The following RAD51AP2 variants were observed in gnomAD, a reference collection of about 807,000 sequenced individuals.
RAD51AP2 encodes RAD51-associated protein 2.
In RAD51AP2, 67 loss-of-function variants were observed where a neutral mutation model predicts 85.5. That is an observed-to-expected ratio of 0.78 (90% CI 0.64 to 0.96). The LOEUF is 0.96. RAD51AP2 is among the 40% of genes least tolerant of loss of function. The pLI, the probability that RAD51AP2 is intolerant of heterozygous loss-of-function variation, is 0.00. For missense variants in RAD51AP2, 1,307 were observed against 1,332.4 expected (o/e 0.98, Z 0.30); for synonymous variants, 474 against 446.5 (o/e 1.06, Z -0.78).
chr2:17,511,362 G>T (rs554559426), intron 2 of RAD51AP2, among the ~76,000 whole-genome samples: 1 of 152,198 alleles, frequency 6.6e-6, no homozygotes, highest in African/African-American at 2.4e-5. Flanking sequence ...TCTAATGGAG[G>T]TTATTGTCAA....
chr2:17,531,173 G>A, the RAD51AP2 span, among the ~76,000 whole-genome samples: 1 of 152,118 alleles, frequency 6.6e-6, no homozygotes, highest in Non-Finnish European at 1.5e-5. Flanking sequence ...CTGATCATGT[G>A]GTATGTGCAG....
chr2:17,518,030 G>A lies in RAD51AP2; in HGVS notation c.386C>T (p.Ala129Val). Residue 129 changes from alanine to valine, a missense_variant, in exon 1 of 3, where the codon GCT (alanine) becomes GTT (valine). Transcript: ENST00000399080. ...PSQSPDSDLR[A>V]SGRSEAGLHD... ...CAGGCCTGCCTCAGACCTTCCTGAA[G>A]CCCTCAAATCAGAATCAGGACTTTG... 2 of 1,614,134 alleles carry A rather than the reference G, an allele frequency of 1.2e-6. No individual in the cohort carries two copies. The highest frequency in any genetic ancestry group is 1.7e-6 in the Non-Finnish European group (2 of 1,180,010).
Position 17,517,345 on chromosome 2 carries a change from C to G in RAD51AP2, c.1071G>C (p.Gln357His). ...TCTTTCTAGAGTCTCTTACATTACACTGGATACTACTGCAGTTACAGTAGT... is the reference window on the plus strand; with the variant it reads ...TCTTTCTAGAGTCTCTTACATTACAGTGGATACTACTGCAGTTACAGTAGT... ...SSNYCNCSSI[Q>H]CNVRDSRKNF... Residue 357 changes from glutamine (Q) to histidine (H), a missense_variant, in exon 1 of 3, where the codon CAG becomes CAC. Physicochemically the swap from Gln to His is conservative, Grantham distance 24 (BLOSUM62 0). Coordinates refer to ENST00000399080, the MANE Select transcript of RAD51AP2 (RefSeq NM_001099218.3). 7 of 1,613,840 alleles carry G rather than the reference C, an allele frequency of 4.3e-6. No individual in the cohort carries two copies. The highest frequency in any genetic ancestry group is 5.9e-6 in the Non-Finnish European group (7 of 1,179,936).
In RAD51AP2 at chr2:17,516,084, CAA is replaced by C; in HGVS notation, c.2330_2331del (p.Phe777Ter). On this transcript the variant is annotated frameshift_variant, in exon 1 of 3. Transcript: ENST00000399080. LOFTEE classifies it high-confidence loss of function. ...RKQGHNKISN[F>X]DCEHIFEDLC... ...AGATCTTCAAATATGTGCTCACAGT[CAA>C]AGTTACTGATCTTATTATGTCCCTG... The C allele has an allele frequency of 1.2e-6, 2 of 1,613,022 alleles. No individual in the cohort carries two copies. The highest frequency in any genetic ancestry group is 8.5e-7 in the Non-Finnish European group (1 of 1,179,612).
the RAD51AP2 span, among the ~76,000 whole-genome samples, chr2:17,531,018 A>T: frequency 6.6e-6 from 1 of 152,226 alleles, no homozygotes. Context: ...TTACAGATTT[A>T]ATCTTTGGGC....
chr2:17,515,306 C>A lies in RAD51AP2; in HGVS notation c.3110G>T (p.Gly1037Val), dbSNP rs834514. Residue 1037 changes from glycine (G) to valine (V), a missense_variant, in exon 1 of 3, where the codon GGT becomes GTT. This residue lies in a region of RAD51AP2 where 668 missense variants were observed against 671.0 expected (regional missense o/e 1.00). Coordinates refer to ENST00000399080, the MANE Select transcript of RAD51AP2 (RefSeq NM_001099218.3). ...TTGGTGACTTTTGCCCATATTAGGA[C>A]CTGCTATAGTATCATGGAACGAGGA... Reference protein sequence around the residue: ...ASSSFHDTIAGPNMGKSHQSL... With the variant: ...ASSSFHDTIAVPNMGKSHQSL... 3 of 1,612,096 alleles carry A rather than the reference C, an allele frequency of 1.9e-6. No individual in the cohort carries two copies. In the African/African-American group the frequency reaches 4.0e-5, roughly 22 times the overall value.
the RAD51AP2 span, among the ~76,000 whole-genome samples, chr2:17,530,584 CAAAA>C: frequency 1.0e-4 from 8 of 80,252 alleles, no homozygotes; most frequent in African/African-American, 4.4e-4. Context: ...GGCCCTGTCT[CAAAA>C]AAAAAAAAAA....
the RAD51AP2 span, among the ~76,000 whole-genome samples, chr2:17,529,471 C>A: frequency 6.6e-6 from 1 of 151,710 alleles, no homozygotes; most frequent in East Asian, 1.9e-4. Context: ...AGAAAAATAA[C>A]CCACTGAGAA....
rs1030303402 is a variant in RAD51AP2 at position 17,515,483 on chromosome 2, A to C, written c.2933T>G (p.Phe978Cys). The change falls in exon 1 of 3, where the codon TTT becomes TGT. Residue 978 changes from phenylalanine (F) to cysteine (C), a missense_variant. Around this residue, in one of 3 missense-constraint regions of RAD51AP2, gnomAD observed 668 missense variants for 671.0 expected, o/e 1.00. Coordinates refer to ENST00000399080, the MANE Select transcript of RAD51AP2 (RefSeq NM_001099218.3). ...TTCATTTTCCCTACTAATTTCATGA[A>C]ACATACGAAGTTCTTCAAGTACTAA... ...FDLVLEELRM[F>C]HEISRENELL... The C allele has an allele frequency of 4.7e-5, 76 of 1,613,340 alleles. No homozygotes were observed. The East Asian group carries it at 1.7e-3, about 36-fold the overall frequency.
At chr2:17,532,201 T>C in the RAD51AP2 span, among the ~76,000 whole-genome samples, 1 of 152,166 alleles carries the variant, frequency 6.6e-6, no homozygotes, top group Non-Finnish European at 1.5e-5. Context: ...TACCACAGTC[T>C]TGGAAGCTTA....
the RAD51AP2 span, among the ~76,000 whole-genome samples, chr2:17,523,690 A>T: frequency 3.9e-5 from 6 of 151,926 alleles, no homozygotes; most frequent in African/African-American, 7.2e-5. Flanking sequence ...CTCATTTGAT[A>T]GTTCTTTATG....
chr2:17,518,516 G>T (rs1384959908), upstream of RAD51AP2: 61 of 1,441,184 alleles, frequency 4.2e-5, no homozygotes, highest in Non-Finnish European at 5.4e-5. Context: ...CGCCCCTCAA[G>T]ACCTGGCCTT....
At chr2:17,531,673 T>C in the RAD51AP2 span, among the ~76,000 whole-genome samples, 107 of 152,364 alleles carry the variant, frequency 7.0e-4, no homozygotes, top group African/African-American at 2.5e-3. Context: ...GCAGTGGTAC[T>C]GTGATCAGTA....
In RAD51AP2 at chr2:17,516,098, T is replaced by C. The variant is rs1662654546; in HGVS notation, c.2318A>G (p.Lys773Arg). Residue 773 changes from lysine (K) to arginine (R), a missense_variant, in exon 1 of 3, where the codon AAG becomes AGG. By Grantham distance (26) the Lys-to-Arg change is conservative. This residue lies in a region of RAD51AP2 where 668 missense variants were observed against 671.0 expected (regional missense o/e 1.00). Coordinates refer to ENST00000399080, the MANE Select transcript of RAD51AP2 (RefSeq NM_001099218.3). ...GTGCTCACAGTCAAAGTTACTGATCTTATTATGTCCCTGTTTTCTTTCCAT... is the reference window on the plus strand; with the variant it reads ...GTGCTCACAGTCAAAGTTACTGATCCTATTATGTCCCTGTTTTCTTTCCAT... ...LNMERKQGHNKISNFDCEHIF... is the reference protein window; with the variant it reads ...LNMERKQGHNRISNFDCEHIF... 1 of 1,612,404 alleles carries C rather than the reference T, an allele frequency of 6.2e-7. No individual in the cohort carries two copies. Among genetic ancestry groups the C allele is most frequent in the South Asian group, 1.1e-5 (1 of 90,600 alleles).
At chr2:17,511,075 G>A in intron 2 of RAD51AP2, 120 bp from the exon 3 acceptor site, 1 of 537,468 alleles carries the variant, frequency 1.9e-6, no homozygotes, top group Non-Finnish European at 3.1e-6. Context: ...TATTATTTAT[G>A]TGCCAGACAC....
In RAD51AP2 at chr2:17,517,729, T is replaced by C. The variant is rs560236797; in HGVS notation, c.687A>G (p.Ser229=). Residue 229 remains serine, a synonymous_variant, in exon 1 of 3, where the codon TCA becomes TCG. Transcript: ENST00000399080. ...PSNKRENNIS[S]SVLKISKSQN... is the part of the protein sequence containing the mutation. Reference sequence around the variant, plus strand: ...GAGATTTTGATATTTTTAGTACAGATGATGAAATGTTATTTTCTCTTTTAT... The same window carrying C: ...GAGATTTTGATATTTTTAGTACAGACGATGAAATGTTATTTTCTCTTTTAT... The C allele has an allele frequency of 1.9e-6, 3 of 1,613,634 alleles. No individual in the cohort carries two copies. Among genetic ancestry groups the C allele is most frequent in the African/African-American group, 1.3e-5 (1 of 74,970 alleles).
upstream of RAD51AP2, among the ~76,000 whole-genome samples, chr2:17,522,050 T>C (rs1265104940): frequency 6.6e-6 from 1 of 152,088 alleles, no homozygotes; most frequent in Non-Finnish European, 1.5e-5. Flanking sequence ...TTCATTTTAC[T>C]AGTCTCTTCT....
In RAD51AP2 at chr2:17,517,217, C is replaced by CTAACG; in HGVS notation, c.1194_1198dup (p.Arg400ThrfsTer6). 1 of 1,613,762 alleles carries CTAACG rather than the reference C, an allele frequency of 6.2e-7. No individual in the cohort carries two copies. The highest frequency in any genetic ancestry group is 8.5e-7 in the Non-Finnish European group (1 of 1,179,882). On this transcript the variant is annotated frameshift_variant, in exon 1 of 3. Transcript: ENST00000399080. LOFTEE classifies it high-confidence loss of function. The stretch of plus-strand genomic sequence containing the variant: ...TCCTCTATTTCTTCTCAAAATATGT[C>CTAACG]TAACGTTACAGTCCCAGTTTTGAGA...
rs934540093 is a variant in RAD51AP2 at position 17,516,841 on chromosome 2, T to C, written c.1575A>G (p.Lys525=). Residue 525 remains lysine, a synonymous_variant, in exon 1 of 3, where the codon AAA becomes AAG. Coordinates refer to ENST00000399080, the MANE Select transcript of RAD51AP2 (RefSeq NM_001099218.3). ...TACAGCAGGTTAAAATACTATTATC[T>C]TTTTTATTTCCTGAAATACTTTTAT... The part of the protein sequence containing the change: ...YFHKSISGNK[K]DNSILTCCNI... 3.2e-6 allele frequency: 5 copies of C among 1,546,150 alleles called. No homozygotes were observed. The highest frequency in any genetic ancestry group is 2.8e-5 in the African/African-American group (2 of 71,524).
Sources: allele counts gnomAD v4.1 joint callset (sites outside exome capture counted in the v4.1 genomes callset), GRCh38; gene constraint gnomAD v4.1.1; regional missense constraint gnomAD v4.1.1; transcripts MANE v1.5; gene names NCBI Gene and HGNC (gene_info 2026-07-23, HGNC 2026-07-21).